PTPN12: variants seen among roughly 807,000 people sequenced by gnomAD.
PTPN12 encodes tyrosine-protein phosphatase non-receptor type 12.
A neutral mutation model predicts 97.6 loss-of-function variants in PTPN12; 29 were observed. That is an observed-to-expected ratio of 0.30 (90% CI 0.22 to 0.41). The LOEUF (loss-of-function observed/expected upper bound fraction) is 0.41. Among genes scored for constraint, PTPN12 ranks in the 10% least tolerant of loss-of-function variants. The pLI, the probability that PTPN12 is intolerant of heterozygous loss-of-function variation, is 1.00. For missense variants in PTPN12, 819 were observed against 926.0 expected (o/e 0.88, Z 1.50); for synonymous variants, 327 against 300.4 (o/e 1.09, Z -0.91).
chr7:77,635,596 C>T (rs1327789318), intron 14 of PTPN12, among the ~76,000 whole-genome samples, 186 bp from the exon 15 acceptor site: 2 of 151,704 alleles, frequency 1.3e-5, no homozygotes, highest in South Asian at 2.1e-4. Flanking sequence ...AGAATGTTCT[C>T]GAATTAATAG....
intron 14 of PTPN12, among the ~76,000 whole-genome samples, chr7:77,634,701 A>G (rs1168250346): frequency 1.3e-5 from 2 of 151,748 alleles, no homozygotes; most frequent in African/African-American, 4.8e-5. Context: ...TCAGCCTCTC[A>G]AAGTGCTGGG....
At chr7:77,587,583 A>C (rs924240977) in intron 5 of PTPN12, among the ~76,000 whole-genome samples, 2 of 152,216 alleles carry the variant, frequency 1.3e-5, no homozygotes, top group Non-Finnish European at 2.9e-5. Context: ...GGATTTTCAG[A>C]ATGGTAAATG....
rs1562738030 is a variant in PTPN12 at position 77,597,860 on chromosome 7, A to T, written c.511A>T (p.Thr171Ser). Reference sequence around the variant, plus strand: ...TATTTAGGAGGATGAACAAGCAAGAACAGACTACTTCATCAGGACACTCTT... The same window carrying T: ...TATTTAGGAGGATGAACAAGCAAGATCAGACTACTTCATCAGGACACTCTT... ...KISCEDEQAR[T>S]DYFIRTLLLE... The change falls in exon 7 of 18, where the codon ACA (threonine) becomes TCA (serine). Residue 171 changes from threonine (T) to serine (S), a missense_variant. Physicochemically the swap from Thr to Ser is moderately conservative, Grantham distance 58 (BLOSUM62 1). Around this residue, in one of 5 missense-constraint regions of PTPN12, gnomAD observed 45 missense variants for 52.0 expected, o/e 0.87. Coordinates refer to ENST00000248594, the MANE Select transcript of PTPN12 (RefSeq NM_002835.4). 6.2e-7 allele frequency: 1 copy of T among 1,612,326 alleles called. No homozygotes were observed. The highest frequency in any genetic ancestry group is 2.2e-5 in the East Asian group (1 of 44,828).
intron 5 of PTPN12, 115 bp from the exon 6 acceptor site, chr7:77,592,070 G>C: frequency 1.2e-6 from 1 of 849,692 alleles, no homozygotes; most frequent in East Asian, 2.6e-5. Flanking sequence ...TGCTAATGTG[G>C]GTTTTTCTGT....
intron 5 of PTPN12, 83 bp from the exon 6 acceptor site, chr7:77,592,102 A>C: frequency 1.7e-6 from 2 of 1,200,814 alleles, no homozygotes; most frequent in Non-Finnish European, 1.2e-6. Context: ...AGAAGTAAGC[A>C]GAACCTCAGG....
intron 1 of PTPN12, among the ~76,000 whole-genome samples, chr7:77,541,074 G>T (rs369849794): frequency 6.6e-5 from 10 of 151,908 alleles, no homozygotes; most frequent in East Asian, 1.9e-4. Context: ...AATATTTTTT[G>T]GTTTTGTTTT....
chr7:77,593,936 A>G (rs1787944286), intron 6 of PTPN12, among the ~76,000 whole-genome samples: 1 of 152,180 alleles, frequency 6.6e-6, no homozygotes, highest in African/African-American at 2.4e-5. Context: ...CCATAATTTT[A>G]TGACTTAGTT....
intron 12 of PTPN12, among the ~76,000 whole-genome samples, chr7:77,624,059 G>C (rs904868283): frequency 6.6e-6 from 1 of 152,132 alleles, no homozygotes; most frequent in African/African-American, 2.4e-5. Flanking sequence ...TTAGGAGTTT[G>C]AGATCAGTCT....
At chr7:77,637,267 A>G (rs1274385971) in intron 16 of PTPN12, among the ~76,000 whole-genome samples, 2 of 152,214 alleles carry the variant, frequency 1.3e-5, no homozygotes, top group Non-Finnish European at 2.9e-5. Context: ...AGCATTTACT[A>G]TCAATAATTA....
intron 12 of PTPN12, among the ~76,000 whole-genome samples, chr7:77,623,060 T>G (rs1789002822): frequency 6.6e-6 from 1 of 151,538 alleles, no homozygotes; most frequent in Admixed American, 6.6e-5. Flanking sequence ...GGGCATAAAT[T>G]TTTATATAGA....
chr7:77,537,661 C>T lies in PTPN12; in HGVS notation c.99+16C>T. 1 of 1,576,884 alleles carries T rather than the reference C, an allele frequency of 6.3e-7. No homozygotes were observed. Among genetic ancestry groups the T allele is most frequent in the Non-Finnish European group, 8.6e-7 (1 of 1,163,118 alleles). ...GGACTTCATGGTGAGTCTCTCCCCTCGCTGTCGCGTTTTCTTGCCGGCGCC... is the reference window on the plus strand; with the variant it reads ...GGACTTCATGGTGAGTCTCTCCCCTTGCTGTCGCGTTTTCTTGCCGGCGCC... On this transcript the variant is annotated intron_variant, in intron 1 of 17. Transcript: ENST00000248594.
intron 1 of PTPN12, 72 bp downstream of exon 1, chr7:77,537,717 C>A (rs1009858378): frequency 2.0e-6 from 3 of 1,484,566 alleles, no homozygotes; most frequent in Admixed American, 2.1e-5. Flanking sequence ...CCGGCCGGGC[C>A]GCCAGTGCTT....
chr7:77,615,621 C>T lies in PTPN12; in HGVS notation c.940-2859C>T, dbSNP rs941783525. Among the ~76,000 whole-genome samples the T allele has an allele frequency of 4.6e-5, 7 of 152,060 alleles. No homozygotes were observed. In the South Asian group the frequency reaches 6.2e-4, roughly 13 times the overall value. On this transcript the variant is annotated intron_variant, in intron 11 of 17. Transcript: ENST00000248594. Reference sequence around the variant, plus strand: ...TTTTAATTACCTGGGTATGGTAGCACGTGCCTGTAGTCCTAGCTACTTGGG... The same window carrying T: ...TTTTAATTACCTGGGTATGGTAGCATGTGCCTGTAGTCCTAGCTACTTGGG...
At chr7:77,612,503 A>G (rs1032380260) in intron 11 of PTPN12, among the ~76,000 whole-genome samples, 1 of 152,148 alleles carries the variant, frequency 6.6e-6, no homozygotes, top group African/African-American at 2.4e-5. Flanking sequence ...CAATGGTGCA[A>G]TCTTGGCTCA....
intron 5 of PTPN12, among the ~76,000 whole-genome samples, 172 bp from the exon 6 acceptor site, chr7:77,592,013 A>AT (rs1787882177): frequency 1.3e-5 from 2 of 152,132 alleles, no homozygotes; most frequent in Admixed American, 6.5e-5. Flanking sequence ...ACAGTAGCCT[A>AT]TTTTTTAAAA....
chr7:77,595,215 G>A (rs1193650348), intron 6 of PTPN12, among the ~76,000 whole-genome samples: 2 of 152,192 alleles, frequency 1.3e-5, no homozygotes, highest in African/African-American at 4.8e-5. Flanking sequence ...TTTTAAAATG[G>A]AAGGTAATTT....
chr7:77,583,646 T>G lies in PTPN12; in HGVS notation c.377T>G (p.Val126Gly). The G allele has an allele frequency of 6.4e-7, 1 of 1,561,098 alleles. No homozygotes were observed. The highest frequency in any genetic ancestry group is 8.8e-7 in the Non-Finnish European group (1 of 1,141,318). The change falls in exon 4 of 18, where the codon GTT becomes GGT. Residue 126 changes from valine (V) to glycine (G), a missense_variant. By Grantham distance (109) the Val-to-Gly change is moderately radical (BLOSUM62 -3). This residue lies in a region of PTPN12 where 66 missense variants were observed against 133.6 expected (regional missense o/e 0.49). Transcript: ENST00000248594. ...TGGAGGATGATATGGGAGTATAATGTTGTGGTAAGTAATTTACTTTTCACA... is the reference window on the plus strand; with the variant it reads ...TGGAGGATGATATGGGAGTATAATGGTGTGGTAAGTAATTTACTTTTCACA... The part of the protein sequence containing the change: ...DFWRMIWEYN[V>G]VIIVMACREF...
At chr7:77,613,667 C>G (rs944812018) in intron 11 of PTPN12, among the ~76,000 whole-genome samples, 29 of 151,816 alleles carry the variant, frequency 1.9e-4, no homozygotes, top group African/African-American at 6.8e-4. Flanking sequence ...CCAGCCTGGG[C>G]AACATGGCAA....
intron 1 of PTPN12, chr7:77,563,969 G>A (rs1808114970): frequency 2.3e-6 from 1 of 439,120 alleles, no homozygotes; most frequent in Non-Finnish European, 4.6e-6. Context: ...GAGTGCAGTG[G>A]TGTGATCTCG....
Sources: allele counts gnomAD v4.1 joint callset (sites outside exome capture counted in the v4.1 genomes callset), GRCh38; gene constraint gnomAD v4.1.1; regional missense constraint gnomAD v4.1.1; transcripts MANE v1.5; gene names NCBI Gene and HGNC (gene_info 2026-07-23, HGNC 2026-07-21).